FAM161A: variants seen among roughly 807,000 people sequenced by gnomAD.
FAM161A encodes FAM161 centrosomal protein A, also known as protein FAM161A.
FAM161A carries 57 observed loss-of-function variants against 70.9 expected under a neutral mutation model. That is an observed-to-expected ratio of 0.80 (90% CI 0.65 to 1.00). The LOEUF (loss-of-function observed/expected upper bound fraction) is 1.00, where lower values mean the gene tolerates loss of function less well. Among genes scored for constraint, FAM161A ranks in the 50% least tolerant of loss-of-function variants. The pLI is 0.00. For missense variants in FAM161A, 880 were observed against 836.0 expected (o/e 1.05, Z -0.65); for synonymous variants, 299 against 295.7 (o/e 1.01, Z -0.12).
At chr2:61,804,768 G>GAAAGAAGAAAGAA in the FAM161A span, among the ~76,000 whole-genome samples, 15 of 118,952 alleles carry the variant, frequency 1.3e-4, no homozygotes, top group African/African-American at 4.8e-4. Context: ...GAAAAAGAAA[G>GAAAGAAGAAAGAA]AGAAAGAAAG....
Position 61,840,235 on chromosome 2 carries a change from T to G in FAM161A, c.769A>C (p.Lys257Gln), listed in dbSNP as rs1294768364. 4 of 1,614,050 alleles carry G rather than the reference T, an allele frequency of 2.5e-6. No homozygotes were observed. The highest frequency in any genetic ancestry group is 3.4e-6 in the Non-Finnish European group (4 of 1,180,002). ...REQKKKEESM[K>Q]SKSDIEMVHK... ...ACCATTTCGATATCTGATTTAGATT[T>G]CATGGACTCTTCTTTTTTCTTCTGT... The change falls in exon 3 of 7, where the codon AAA becomes CAA. Residue 257 changes from lysine to glutamine, a missense_variant. By Grantham distance (53) the Lys-to-Gln change is moderately conservative. Transcript: ENST00000404929.
At chr2:61,824,193 ATTTTTTTTTTTT>A, downstream of FAM161A, among the ~76,000 whole-genome samples, 1 of 127,810 alleles carries the variant, frequency 7.8e-6, no homozygotes, top group Non-Finnish European at 1.6e-5. Flanking sequence ...CGCCTGGCTA[ATTTTTTTTTTTT>A]TTTTTTGTAT....
At chr2:61,808,972 A>T in the FAM161A span, among the ~76,000 whole-genome samples, 1 of 152,140 alleles carries the variant, frequency 6.6e-6, no homozygotes, top group South Asian at 2.1e-4. Flanking sequence ...TCCCAGGTTC[A>T]AGCGACTGTC....
At chr2:61,842,036 A>G in intron 2 of FAM161A, 86 bp downstream of exon 2, 3 of 913,564 alleles carry the variant, frequency 3.3e-6, no homozygotes, top group Non-Finnish European at 5.4e-6. Context: ...TATTTAAGAG[A>G]AAATATTATG....
the FAM161A span, among the ~76,000 whole-genome samples, chr2:61,812,314 T>A: frequency 1.3e-5 from 2 of 152,258 alleles, no homozygotes; most frequent in Non-Finnish European, 2.9e-5. Flanking sequence ...CCTAGATTTT[T>A]TGTTAATTTA....
intron 1 of FAM161A, among the ~76,000 whole-genome samples, chr2:61,850,800 TCTC>T (rs1673472261): frequency 6.6e-6 from 1 of 152,252 alleles, no homozygotes; most frequent in South Asian, 2.1e-4. Context: ...CAATAGGTTC[TCTC>T]CTATTTATTT....
the FAM161A span, among the ~76,000 whole-genome samples, chr2:61,802,600 C>T: frequency 4.2e-4 from 64 of 152,226 alleles, no homozygotes; most frequent in African/African-American, 1.5e-3. Context: ...TAGCTTGGGA[C>T]ATTTCCTATA....
downstream of FAM161A, among the ~76,000 whole-genome samples, chr2:61,821,764 TTTTA>T (rs1357413267): frequency 1.3e-5 from 2 of 151,700 alleles, no homozygotes; most frequent in Admixed American, 6.6e-5. Context: ...TTTTATTTTA[TTTTA>T]TTTATTATTA....
At chr2:61,813,921 C>T in the FAM161A span, among the ~76,000 whole-genome samples, 4 of 152,096 alleles carry the variant, frequency 2.6e-5, no homozygotes, top group Admixed American at 1.3e-4. Context: ...ATCTGGCCTT[C>T]AGGGATACAA....
chr2:61,826,983 T>C (rs1356583344), intron 6 of FAM161A, 121 bp downstream of exon 6: 1 of 898,656 alleles, frequency 1.1e-6, no homozygotes, highest in African/African-American at 1.7e-5. Context: ...TCTTTTACTA[T>C]TGGGTAAAAG....
At position 61,840,010 on chromosome 2, in the gene FAM161A, C is replaced by G; in HGVS notation, c.994G>C (p.Glu332Gln). 1 of 1,614,190 alleles carries G rather than the reference C, an allele frequency of 6.2e-7. No homozygotes were observed. The highest frequency in any genetic ancestry group is 1.1e-5 in the South Asian group (1 of 91,080). The part of the protein sequence containing the change: ...QKPFKFIARE[E>Q]QKRAAREKQL... ...TTTTCCCGGGCTGCTCGCTTCTGTT[C>G]CTCCCTTGCTATAAATTTAAATGGC... Residue 332 changes from glutamate to glutamine, a missense_variant, in exon 3 of 7, where the codon GAA becomes CAA. Transcript: ENST00000404929.
At chr2:61,809,381 A>G in the FAM161A span, among the ~76,000 whole-genome samples, 1 of 152,186 alleles carries the variant, frequency 6.6e-6, no homozygotes, top group East Asian at 1.9e-4. Context: ...CTCTTTGTTT[A>G]CATATATTTC....
chr2:61,810,908 A>C, the FAM161A span, among the ~76,000 whole-genome samples: 2 of 152,176 alleles, frequency 1.3e-5, no homozygotes, highest in Non-Finnish European at 2.9e-5. Context: ...CCCTGGCTGC[A>C]AGTAAACTCA....
chr2:61,829,378 C>G lies in FAM161A; in HGVS notation c.1852-2120G>C, dbSNP rs537032379. Among the ~76,000 whole-genome samples, 6 of 152,220 alleles carry G rather than the reference C, an allele frequency of 3.9e-5. No homozygotes were observed. The South Asian group carries it at 1.2e-3, about 32-fold the overall frequency. ...ACAGGAGAACCTGAAATAGCAAGGA[C>G]TGATTACAATAGATAAAACTATCAC... is the stretch of plus-strand genomic sequence containing the variant. On this transcript the variant is annotated intron_variant, in intron 5 of 6. Coordinates refer to ENST00000404929, the MANE Select transcript of FAM161A (RefSeq NM_001201543.2).
At chr2:61,833,651 T>C (rs1226754767) in intron 5 of FAM161A, among the ~76,000 whole-genome samples, 1 of 152,112 alleles carries the variant, frequency 6.6e-6, no homozygotes, top group Non-Finnish European at 1.5e-5. Flanking sequence ...ATAGAGTCTG[T>C]AATGAAAAAG....
rs76144251 is a variant in FAM161A at position 61,825,326 on chromosome 2, T to G, written c.*1129A>C. On this transcript the variant is annotated 3_prime_UTR_variant, in exon 7 of 7. Coordinates refer to ENST00000404929, the MANE Select transcript of FAM161A (RefSeq NM_001201543.2). The stretch of plus-strand genomic sequence containing the variant: ...AGTTGAACACAACTGGGTCTAGCAG[T>G]GAAGAGTTAAATCTGAATTACTTTG... 1,798 of 454,190 alleles carry G rather than the reference T, an allele frequency of 4.0e-3. 10 individuals carry two copies. The highest frequency in any genetic ancestry group is 4.6e-3 in the Non-Finnish European group (1,032 of 226,782). The allele number at this position is 454,190 out of a possible 1,614,324, so 28.1% of individuals were successfully genotyped here.
chr2:61,802,857 T>A, the FAM161A span, among the ~76,000 whole-genome samples: 1 of 152,076 alleles, frequency 6.6e-6, no homozygotes, highest in African/African-American at 2.4e-5. Flanking sequence ...CTCCAAAGCA[T>A]GGAAATAAAG....
In FAM161A at chr2:61,842,014, A is replaced by G. The variant is rs1454284458; in HGVS notation, c.422+108T>C. The G allele has an allele frequency of 9.0e-6, 7 of 773,582 alleles. No individual in the cohort carries two copies. The East Asian group carries it at 1.7e-4, about 19-fold the overall frequency. 47.9% of individuals were successfully genotyped at this position (773,582 alleles called of 1,614,324 possible). Reference sequence around the variant, plus strand: ...AATCCTACCTCTGTATATCGTTGGGAGTACAAAGGGCTATTTAAGAGAAAA... The same window carrying G: ...AATCCTACCTCTGTATATCGTTGGGGGTACAAAGGGCTATTTAAGAGAAAA... On this transcript the variant is annotated intron_variant, in intron 2 of 6. Transcript: ENST00000404929.
At chr2:61,817,926 C>A in the FAM161A span, among the ~76,000 whole-genome samples, 1 of 152,094 alleles carries the variant, frequency 6.6e-6, no homozygotes, top group East Asian at 1.9e-4. Flanking sequence ...ACACTGCACT[C>A]CAGCCTGGGT....
Sources: allele counts gnomAD v4.1 joint callset (sites outside exome capture counted in the v4.1 genomes callset), GRCh38; gene constraint gnomAD v4.1.1; transcripts MANE v1.5; gene names NCBI Gene and HGNC (gene_info 2026-07-23, HGNC 2026-07-21).